The following SPIN1 variants were observed in gnomAD, a reference collection of about 807,000 sequenced individuals.
SPIN1 encodes spindlin-1.
A neutral mutation model predicts 26.0 loss-of-function variants in SPIN1; 3 were observed. The ratio of observed to expected loss-of-function variants is 0.12; its 90% CI spans 0.05 to 0.30. The LOEUF (loss-of-function observed/expected upper bound fraction) is 0.30, where lower values mean the gene tolerates loss of function less well. Among genes scored for constraint, SPIN1 ranks in the 10% least tolerant of loss-of-function variants. The pLI is 1.00. For missense variants in SPIN1, 126 were observed against 333.4 expected (o/e 0.38, Z 4.84); for synonymous variants, 101 against 116.5 (o/e 0.87, Z 0.86).
At chr9:88,456,679 C>G (rs1448283476) in intron 3 of SPIN1, among the ~76,000 whole-genome samples, 1 of 152,154 alleles carries the variant, frequency 6.6e-6, no homozygotes, top group Non-Finnish European at 1.5e-5. Flanking sequence ...TGAAGACATA[C>G]ATTGTATCTA....
chr9:88,459,558 A>T (rs910169680), intron 3 of SPIN1, among the ~76,000 whole-genome samples: 2 of 143,108 alleles, frequency 1.4e-5, no homozygotes, highest in African/African-American at 2.8e-5. Flanking sequence ...CTAAGTTTAT[A>T]AGACACTCAC....
intron 2 of SPIN1, among the ~76,000 whole-genome samples, chr9:88,430,579 C>G (rs7856290): frequency 6.6e-6 from 1 of 152,002 alleles, no homozygotes; most frequent in Admixed American, 6.6e-5. Context: ...CTGCCATGAC[C>G]CCCAGTACCT....
rs754011071 is a variant in SPIN1, at chr9:88,478,574, C to A, written c.*3297C>A. ...TTTTATACAATGTGTAGACAGTTCC[C>A]TGTTCTCTGCATTTAGAAGTATACA... On this transcript the variant is annotated 3_prime_UTR_variant, in exon 6 of 6. Coordinates refer to ENST00000375859, the MANE Select transcript of SPIN1 (RefSeq NM_006717.3). 6 of 152,284 alleles carry A rather than the reference C, an allele frequency of 3.9e-5. No individual in the cohort carries two copies. Among genetic ancestry groups the A allele is most frequent in the Non-Finnish European group, 8.8e-5 (6 of 68,022 alleles). 9.4% of individuals were successfully genotyped at this position (152,284 alleles called of 1,614,324 possible).
At chr9:88,462,893 A>G (rs1250188561) in intron 4 of SPIN1, 144 bp downstream of exon 4, 1 of 1,011,462 alleles carries the variant, frequency 9.9e-7, no homozygotes, top group East Asian at 2.7e-5. Flanking sequence ...ATCACCGAAA[A>G]CCACAAAAAT....
chr9:88,397,143 C>T (rs547367793), intron 1 of SPIN1, among the ~76,000 whole-genome samples: 2 of 152,170 alleles, frequency 1.3e-5, no homozygotes, highest in South Asian at 2.1e-4. Context: ...TAAAAAGTTT[C>T]TTCAGTAATT....
intron 2 of SPIN1, among the ~76,000 whole-genome samples, chr9:88,442,213 G>A (rs987723349): frequency 6.6e-6 from 1 of 151,710 alleles, no homozygotes; most frequent in East Asian, 1.9e-4. Context: ...TGTGAGAAAG[G>A]CTTTTATTTC....
intron 5 of SPIN1, 28 bp from the exon 6 acceptor site, chr9:88,475,050 T>C (rs746654506): frequency 0.11 from 72,875 of 676,834 alleles, 3,706 homozygotes; most frequent in African/African-American, 0.46. Context: ...TCTCTCTCTT[T>C]TTTTTTTTTT....
chr9:88,443,511 T>C (rs1828182764), intron 2 of SPIN1, among the ~76,000 whole-genome samples: 1 of 152,222 alleles, frequency 6.6e-6, no homozygotes, highest in African/African-American at 2.4e-5. Flanking sequence ...TCATTTAAAT[T>C]CCTGGTCTGG....
chr9:88,440,591 T>G (rs567344465), intron 2 of SPIN1, among the ~76,000 whole-genome samples: 58 of 152,236 alleles, frequency 3.8e-4, no homozygotes, highest in Non-Finnish European at 5.9e-4. Flanking sequence ...CCTTTTTTTT[T>G]TCTCTGAGAT....
chr9:88,459,433 TTTTG>T (rs1173152241), intron 3 of SPIN1, among the ~76,000 whole-genome samples: 1 of 152,120 alleles, frequency 6.6e-6, no homozygotes, highest in African/African-American at 2.4e-5. Flanking sequence ...GTTACAGACT[TTTTG>T]TTTATTTTTA....
chr9:88,395,087 C>T lies in SPIN1; in HGVS notation c.-159+6549C>T, dbSNP rs369236949. 2.2e-3 allele frequency among the ~76,000 whole-genome samples: 328 copies of T among 151,982 alleles called. 3 individuals carry two copies. The highest frequency in any genetic ancestry group is 7.0e-3 in the African/African-American group (292 of 41,532). Reference sequence around the variant, plus strand: ...CCTGCCAAAGTGCTGGGATTACAGGCGTGAGCCACCGCGCCTGGCCTATTT... The same window carrying T: ...CCTGCCAAAGTGCTGGGATTACAGGTGTGAGCCACCGCGCCTGGCCTATTT... On this transcript the variant is annotated intron_variant, in intron 1 of 5. Coordinates refer to ENST00000375859, the MANE Select transcript of SPIN1 (RefSeq NM_006717.3).
chr9:88,413,959 C>T (rs948558887), intron 1 of SPIN1, among the ~76,000 whole-genome samples: 2 of 151,624 alleles, frequency 1.3e-5, no homozygotes, highest in African/African-American at 4.9e-5. Flanking sequence ...TTCCATCACA[C>T]TCAAGTTTGA....
Position 88,439,044 on chromosome 9 carries a change from T to C in SPIN1, c.53-9897T>C, listed in dbSNP as rs577948972. ...AGGACCCACTTCCTGGCCCCTCAAC[T>C]GCTTCTGATATTTTTTTCTCACCTA... On this transcript the variant is annotated intron_variant, in intron 2 of 5. Coordinates refer to ENST00000375859, the MANE Select transcript of SPIN1 (RefSeq NM_006717.3). 5.9e-5 allele frequency among the ~76,000 whole-genome samples: 9 copies of C among 152,294 alleles called. No individual in the cohort carries two copies. In the East Asian group the frequency reaches 1.7e-3, roughly 29 times the overall value.
At chr9:88,405,744 T>C (rs567461179) in intron 1 of SPIN1, among the ~76,000 whole-genome samples, 1 of 152,002 alleles carries the variant, frequency 6.6e-6, no homozygotes. Flanking sequence ...CACAGTAGTT[T>C]TGTTTGCAGT....
chr9:88,400,531 C>T (rs949380706), intron 1 of SPIN1, among the ~76,000 whole-genome samples: 1 of 152,124 alleles, frequency 6.6e-6, no homozygotes, highest in Non-Finnish European at 1.5e-5. Flanking sequence ...ACTCCACTGA[C>T]CATTCACTCA....
chr9:88,458,244 A>G (rs1828509377), intron 3 of SPIN1, among the ~76,000 whole-genome samples: 1 of 152,250 alleles, frequency 6.6e-6, no homozygotes, highest in African/African-American at 2.4e-5. Flanking sequence ...AACAGAAGAC[A>G]GGTAGACAAC....
chr9:88,467,040 A>ATTGTTTGT (rs140242427), intron 4 of SPIN1, among the ~76,000 whole-genome samples: 2 of 151,814 alleles, frequency 1.3e-5, no homozygotes, highest in Non-Finnish European at 2.9e-5. Context: ...CTTGTCTCTA[A>ATTGTTTGT]TTGTTTGTTT....
intron 2 of SPIN1, among the ~76,000 whole-genome samples, chr9:88,444,691 CTTTT>C (rs1226379698): frequency 2.4e-5 from 3 of 123,064 alleles, no homozygotes; most frequent in Non-Finnish European, 1.7e-5. Flanking sequence ...CTTTTCTTTT[CTTTT>C]TTTTTTTTTT....
At chr9:88,411,212 A>G (rs776229299) in intron 1 of SPIN1, 45 of 1,212,336 alleles carry the variant, frequency 3.7e-5, no homozygotes, top group Non-Finnish European at 4.9e-5. Flanking sequence ...CTTTGGTTCC[A>G]CAAGTCTTCT....
Sources: gnomAD v4.1 joint callset for allele counts (sites outside exome capture counted in the v4.1 genomes callset) on GRCh38, gnomAD v4.1.1 for gene constraint, MANE v1.5 for transcripts, NCBI Gene and HGNC (gene_info 2026-07-23, HGNC 2026-07-21) for gene names.